Variants in USP16 observed in about 807,000 individuals in gnomAD.
The protein encoded by USP16 is ubiquitin carboxyl-terminal hydrolase 16.
Under a neutral mutation model 95.9 loss-of-function variants are expected in USP16, and 77 were observed. The ratio of observed to expected loss-of-function variants is 0.80; its 90% CI spans 0.67 to 0.97. USP16 has a LOEUF of 0.97. Ranked by LOEUF, USP16 falls within the 50% of genes least tolerant of loss-of-function variation. The probability of loss-of-function intolerance (pLI) is 0.00; values close to 1 mark genes in which losing one functional copy is unlikely to be tolerated. For missense variants in USP16, 943 were observed against 959.9 expected, an observed-to-expected ratio of 0.98 and a Z score of 0.23; for synonymous variants, 303 against 318.2, an observed-to-expected ratio of 0.95 and a Z score of 0.51.
Position 29,027,895 on chromosome 21 carries a change from T to C in USP16, c.-19T>C. ...TAGATTGTTATTTTGTGTCAGTAAG[T>C]AATCCATAAAGTGCCAACATGGGAA... is the stretch of plus-strand genomic sequence containing the variant. On this transcript the variant is annotated 5_prime_UTR_variant, in exon 2 of 18. The change abolishes the stop of an existing upstream ORF in the 5' untranslated region. Transcript: ENST00000399976. 6.2e-7 allele frequency: 1 copy of C among 1,613,378 alleles called. No homozygotes were observed. Among genetic ancestry groups the C allele is most frequent in the Non-Finnish European group, 8.5e-7 (1 of 1,179,544 alleles).
In USP16 at chr21:29,043,501, G is replaced by T. The variant is rs2085275474; in HGVS notation, c.1258G>T (p.Asp420Tyr). 6.3e-7 allele frequency: 1 copy of T among 1,598,536 alleles called. No individual in the cohort carries two copies. Among genetic ancestry groups the T allele is most frequent in the Non-Finnish European group, 8.5e-7 (1 of 1,173,896 alleles). The change falls in exon 13 of 18, where the codon GAT (aspartate) becomes TAT (tyrosine). Residue 420 changes from aspartate (D) to tyrosine (Y), a missense_variant. Physicochemically the swap from Asp to Tyr is radical, Grantham distance 160. Coordinates refer to ENST00000399976, the MANE Select transcript of USP16 (RefSeq NM_006447.3). ...AGATCAAGATAGTGAGGAAGAAAAA[G>T]ATAACGACAGTTACATAAAAGAGAG... ...DEDQDSEEEKDNDSYIKERSD... is the reference protein window; with the variant it reads ...DEDQDSEEEKYNDSYIKERSD...
At chr21:29,041,139 G>A (rs986434115) in intron 10 of USP16, among the ~76,000 whole-genome samples, 1 of 152,138 alleles carries the variant, frequency 6.6e-6, no homozygotes, top group East Asian at 1.9e-4. Context: ...CGCCTGAAAT[G>A]TGACTGGTGA....
chr21:29,027,142 T>A (rs910500822), intron 1 of USP16, among the ~76,000 whole-genome samples: 13 of 152,258 alleles, frequency 8.5e-5, no homozygotes, highest in Non-Finnish European at 1.8e-4. Context: ...GACCTGTATG[T>A]ACTTTTAGCA....
Position 29,050,155 on chromosome 21 carries a change from C to G in USP16, c.2170C>G (p.Pro724Ala). 1 of 1,613,460 alleles carries G rather than the reference C, an allele frequency of 6.2e-7. No homozygotes were observed. ...IKFPEILDLA[P>A]FCTLKCKNVA... ...GTTTCCGGAAATCTTAGATTTGGCT[C>G]CTTTTTGCACCCTTAAATGTAAGGT... The change falls in exon 16 of 18, where the codon CCT (proline) becomes GCT (alanine). Residue 724 changes from proline (P) to alanine (A), a missense_variant. Transcript: ENST00000399976.
chr21:29,025,643 A>C, intron 1 of USP16: 1 of 529,306 alleles, frequency 1.9e-6, no homozygotes, highest in Non-Finnish European at 2.4e-6. Context: ...AACCAGATTT[A>C]CTAGTGCTGT....
Position 29,030,601 on chromosome 21 carries a change from T to C in USP16, c.68T>C (p.Val23Ala), listed in dbSNP as rs1270646901. 3 of 1,596,464 alleles carry C rather than the reference T, an allele frequency of 1.9e-6. No homozygotes were observed. The highest frequency in any genetic ancestry group is 2.6e-6 in the Non-Finnish European group (3 of 1,173,928). The part of the protein sequence containing the change: ...IDDSSETLEP[V>A]CRHIRKGLEQ... The stretch of plus-strand genomic sequence containing the variant: ...CTATTATTTGTTTTAATAGAACCTG[T>C]GTGCAGACACATTAGAAAAGGATTG... Residue 23 changes from valine (V) to alanine (A), a missense_variant, in exon 3 of 18, where the codon GTG becomes GCG. Coordinates refer to ENST00000399976, the MANE Select transcript of USP16 (RefSeq NM_006447.3).
At position 29,050,126 on chromosome 21, in the gene USP16, T is replaced by A; in HGVS notation, c.2141T>A (p.Ile714Lys). ...GFNLRKVNKH[I>K]KFPEILDLAP... ...AACCTACGCAAAGTTAACAAACACA[T>A]AAAGTTTCCGGAAATCTTAGATTTG... Residue 714 changes from isoleucine to lysine, a missense_variant, in exon 16 of 18, where the codon ATA becomes AAA. Coordinates refer to ENST00000399976, the MANE Select transcript of USP16 (RefSeq NM_006447.3). The A allele has an allele frequency of 6.2e-7, 1 of 1,613,748 alleles. No homozygotes were observed. Among genetic ancestry groups the A allele is most frequent in the Non-Finnish European group, 8.5e-7 (1 of 1,179,904 alleles).
In USP16 at chr21:29,037,340, A is replaced by AC; in HGVS notation, c.514dup (p.Gln172ProfsTer11). The AC allele has an allele frequency of 6.3e-7, 1 of 1,597,298 alleles. No individual in the cohort carries two copies. The highest frequency in any genetic ancestry group is 8.6e-7 in the Non-Finnish European group (1 of 1,168,112). On this transcript the variant is annotated frameshift_variant, in exon 6 of 18. Coordinates refer to ENST00000399976, the MANE Select transcript of USP16 (RefSeq NM_006447.3). LOFTEE classifies it high-confidence loss of function. ...AATTAGAAAAAGAGAGTAAGAATGA[A>AC]CAAGAGAGAGAAAAGAAGGAAAACA...
intron 10 of USP16, among the ~76,000 whole-genome samples, chr21:29,041,398 A>G (rs1054431032): frequency 3.9e-5 from 6 of 152,162 alleles, no homozygotes; most frequent in Admixed American, 2.0e-4. Context: ...TATTTGGAAA[A>G]TTGGCTGATC....
chr21:29,042,037 C>T lies in USP16; in HGVS notation c.1055C>T (p.Pro352Leu). ...VKDYEKKKSM[P>L]SFVDRIFGGE... is the part of the protein sequence containing the mutation. ...GATTATGAGAAGAAAAAATCAATGC[C>T]AAGTTTTGTTGACCGCATCTTTGGT... is the stretch of plus-strand genomic sequence containing the variant. Residue 352 changes from proline (P) to leucine (L), a missense_variant, in exon 11 of 18, where the codon CCA (proline) becomes CTA (leucine). Pro to Leu is a moderately conservative substitution (Grantham distance 98, BLOSUM62 -3). Transcript: ENST00000399976. 6.2e-7 allele frequency: 1 copy of T among 1,612,828 alleles called. No individual in the cohort carries two copies. Among genetic ancestry groups the T allele is most frequent in the Non-Finnish European group, 8.5e-7 (1 of 1,179,446 alleles).
At chr21:29,043,381 T>C (rs1446989472) in intron 12 of USP16, 42 bp from the exon 13 acceptor site, 1 of 1,314,936 alleles carries the variant, frequency 7.6e-7, no homozygotes, top group African/African-American at 1.5e-5. Context: ...CAAATGGTAG[T>C]TGTAAAATTT....
chr21:29,034,374 G>A (rs991862749), intron 3 of USP16, among the ~76,000 whole-genome samples: 13 of 150,644 alleles, frequency 8.6e-5, no homozygotes, highest in Non-Finnish European at 4.4e-5. Flanking sequence ...AGGCCCAGAC[G>A]TGATCTTGGC....
chr21:29,054,182 C>T lies in USP16; in HGVS notation c.2467C>T (p.Leu823=). 6.2e-7 allele frequency: 1 copy of T among 1,612,184 alleles called. No homozygotes were observed. The highest frequency in any genetic ancestry group is 1.1e-5 in the South Asian group (1 of 90,676). The change falls in exon 18 of 18, where the codon CTG becomes TTG. Residue 823 remains leucine, a synonymous_variant. Transcript: ENST00000399976. ...GTACCTCCTATTTTATGAGAGAATA[C>T]TGTAATAATATCAAAAGCACTTTTT... ...QAYLLFYERI[L]
chr21:29,043,422 G>C lies in USP16; in HGVS notation c.1180-1G>C, dbSNP rs1271500811. ...TTGACCTATGTTATCTATATTTTAA[G>C]AGTGGTAAGAAAAGTGTAAATGATA... On this transcript the variant is annotated splice_acceptor_variant, in intron 12 of 17. Transcript: ENST00000399976. LOFTEE classifies it high-confidence loss of function. 5.3e-6 allele frequency: 8 copies of C among 1,495,816 alleles called. No homozygotes were observed. Among genetic ancestry groups the C allele is most frequent in the Non-Finnish European group, 7.1e-6 (8 of 1,127,700 alleles). 92.7% of individuals were successfully genotyped at this position (1,495,816 alleles called of 1,614,324 possible). A position where few individuals can be genotyped will look rare whatever the true frequency, so the allele number is the denominator to read the frequency against.
chr21:29,026,855 T>C (rs1410765211), intron 1 of USP16, among the ~76,000 whole-genome samples: 3 of 152,126 alleles, frequency 2.0e-5, no homozygotes, highest in Non-Finnish European at 4.4e-5. Context: ...CTTTAGTGGT[T>C]TTTTTTGTTG....
intron 16 of USP16, among the ~76,000 whole-genome samples, chr21:29,051,694 G>A (rs556862119): frequency 2.6e-5 from 4 of 152,274 alleles, no homozygotes; most frequent in Non-Finnish European, 4.4e-5. Flanking sequence ...AGCCAGGCAT[G>A]GTGGTGTGCG....
At chr21:29,040,478 T>C in intron 9 of USP16, 131 bp from the exon 10 acceptor site, 1 of 326,278 alleles carries the variant, frequency 3.1e-6, no homozygotes, top group Non-Finnish European at 5.6e-6. Context: ...AGTTTGAAAA[T>C]GTGATTTTGG....
chr21:29,037,649 G>A (rs1231908182), intron 6 of USP16, among the ~76,000 whole-genome samples, 186 bp downstream of exon 6: 1 of 136,108 alleles, frequency 7.3e-6, no homozygotes, highest in African/African-American at 2.8e-5. Flanking sequence ...GCAGTGGCAC[G>A]ATCGTGGCTC....
chr21:29,042,393 T>C, intron 11 of USP16, 79 bp from the exon 12 acceptor site: 1 of 1,370,034 alleles, frequency 7.3e-7, no homozygotes, highest in Non-Finnish European at 1.0e-6. Flanking sequence ...CTACTCCCCA[T>C]CCCACAGGGC....
Sources: allele counts gnomAD v4.1 joint callset (sites outside exome capture counted in the v4.1 genomes callset), GRCh38; gene constraint gnomAD v4.1.1; transcripts MANE v1.5; gene names NCBI Gene and HGNC (gene_info 2026-07-23, HGNC 2026-07-21).